The following NAPA variants were observed in gnomAD, a reference collection of about 807,000 sequenced individuals.
The protein encoded by NAPA is alpha-soluble NSF attachment protein.
Under a neutral mutation model 48.0 loss-of-function variants are expected in NAPA, and 18 were observed. The observed-to-expected ratio is 0.38, with a 90% CI of 0.26 to 0.56. NAPA has a LOEUF of 0.56. NAPA is among the 20% of genes least tolerant of loss of function. The pLI is 0.77. For missense variants in NAPA, 315 were observed against 385.0 expected (o/e 0.82, Z 1.52); for synonymous variants, 152 against 149.9 (o/e 1.01, Z -0.10).
intron 3 of NAPA, among the ~76,000 whole-genome samples, chr19:47,498,829 C>G (rs1175780621): frequency 6.6e-6 from 1 of 152,192 alleles, no homozygotes; most frequent in Non-Finnish European, 1.5e-5. Flanking sequence ...TAGGCTGTAG[C>G]TCTGGAAGCT....
intron 1 of NAPA, among the ~76,000 whole-genome samples, chr19:47,504,708 T>C (rs1968659494): frequency 6.6e-6 from 1 of 152,074 alleles, no homozygotes; most frequent in East Asian, 1.9e-4. Context: ...TATATGTGTG[T>C]ATATATCTAT....
chr19:47,488,193 G>T lies in NAPA; in HGVS notation c.*95C>A. On this transcript the variant is annotated 3_prime_UTR_variant, in exon 11 of 11. Coordinates refer to ENST00000263354, the MANE Select transcript of NAPA (RefSeq NM_003827.4). ...CCACTGTGGCCCGCGGCACTCCCCA[G>T]ATGGGAAAGGAGGGAAGCTCTCCAG... The T allele has an allele frequency of 8.1e-7, 1 of 1,239,720 alleles. No homozygotes were observed. 76.8% of individuals were successfully genotyped at this position (1,239,720 alleles called of 1,614,324 possible).
intron 1 of NAPA, among the ~76,000 whole-genome samples, chr19:47,504,125 T>C (rs1968643845): frequency 6.6e-6 from 1 of 151,600 alleles, no homozygotes; most frequent in Non-Finnish European, 1.5e-5. Flanking sequence ...GTGTGGTGGT[T>C]CATGGCTCCT....
chr19:47,506,409 C>T lies in NAPA; in HGVS notation c.99-2907G>A, dbSNP rs1230443471. Among the ~76,000 whole-genome samples, 1 of 152,182 alleles carries T rather than the reference C, an allele frequency of 6.6e-6. No individual in the cohort carries two copies. The highest frequency in any genetic ancestry group is 1.9e-4 in the East Asian group (1 of 5,192). ...TTGGGGCCTGGCTGCAAAAAACCCT[C>T]AGAAGGACCTTCTCTGGAATGTTCT... On this transcript the variant is annotated intron_variant, in intron 1 of 10. Coordinates refer to ENST00000263354, the MANE Select transcript of NAPA (RefSeq NM_003827.4). This position sits in a 1 kb window ranked among gnomAD's most constrained non-coding sequence, Gnocchi z 4.0.
intron 1 of NAPA, chr19:47,505,247 G>A (rs759317110): frequency 6.6e-6 from 1 of 152,140 alleles, no homozygotes; most frequent in Non-Finnish European, 1.5e-5. Context: ...TATTTTTAAG[G>A]AAGAGAAAAG....
At chr19:47,488,744 C>T (rs867962318) in intron 10 of NAPA, 1 of 155,932 alleles carries the variant, frequency 6.4e-6, no homozygotes, top group Non-Finnish European at 1.4e-5. Context: ...AGTGAAACCC[C>T]GTCTCTACTA....
At chr19:47,507,845 C>T (rs1568470665) in intron 1 of NAPA, among the ~76,000 whole-genome samples, 1 of 152,168 alleles carries the variant, frequency 6.6e-6, no homozygotes, top group Non-Finnish European at 1.5e-5. Flanking sequence ...TCAGAGAGGG[C>T]GGAGGGCTTG....
At chr19:47,503,009 G>A (rs1227554933) in intron 2 of NAPA, among the ~76,000 whole-genome samples, 2 of 152,200 alleles carry the variant, frequency 1.3e-5, no homozygotes, top group African/African-American at 2.4e-5. Context: ...TAAATGATGA[G>A]CACTTAGGAC....
intron 1 of NAPA, among the ~76,000 whole-genome samples, chr19:47,508,873 C>T (rs1968746525): frequency 1.3e-5 from 2 of 151,978 alleles, no homozygotes; most frequent in African/African-American, 2.4e-5. Flanking sequence ...GTTGCTTGAT[C>T]TCGAGTTTGA....
chr19:47,513,846 C>CTTTTT (rs776314156), intron 1 of NAPA, among the ~76,000 whole-genome samples: 112 of 115,836 alleles, frequency 9.7e-4, no homozygotes, highest in Non-Finnish European at 1.3e-3. Context: ...TTCTTTCTTT[C>CTTTTT]TTTTTTTTTT....
At chr19:47,485,331 A>G (rs548013999), downstream of NAPA, among the ~76,000 whole-genome samples, 1 of 152,350 alleles carries the variant, frequency 6.6e-6, no homozygotes, top group African/African-American at 2.4e-5. Context: ...GAGGCTCAGA[A>G]AGAGTAAGTC....
intron 7 of NAPA, 116 bp from the exon 8 acceptor site, chr19:47,492,235 CT>C (rs1488070048): frequency 1.1e-5 from 10 of 895,522 alleles, no homozygotes; most frequent in Non-Finnish European, 1.7e-5. Flanking sequence ...AGGTGAGGCC[CT>C]GTTAACCCAG....
In NAPA at chr19:47,493,058, G is replaced by T. The variant is rs535361662; in HGVS notation, c.477-13C>A. On this transcript the variant is annotated splice_polypyrimidine_tract_variant and intron_variant, in intron 6 of 10. Transcript: ENST00000263354. This position sits in a 1 kb window ranked among gnomAD's most constrained non-coding sequence, Gnocchi z 6.4. Reference sequence around the variant, plus strand: ...CTTGTTGGCTGAGCTGTGTGGGGAGGAGTAGTGAGGGGAAGTGGTGGCGGT... The same window carrying T: ...CTTGTTGGCTGAGCTGTGTGGGGAGTAGTAGTGAGGGGAAGTGGTGGCGGT... The T allele has an allele frequency of 3.8e-5, 61 of 1,614,136 alleles. No individual in the cohort carries two copies. In the East Asian group the frequency reaches 1.1e-3, roughly 30 times the overall value.
chr19:47,514,825 C>A lies in NAPA; in HGVS notation c.98+18G>T. ...CTCTCAGCCTAGGTCCCGGCCGACC[C>A]CTCAGCCCGGTTCTCACCCAAAGAG... On this transcript the variant is annotated intron_variant, in intron 1 of 10. Transcript: ENST00000263354. 2 of 1,611,228 alleles carry A rather than the reference C, an allele frequency of 1.2e-6. No individual in the cohort carries two copies. The highest frequency in any genetic ancestry group is 8.5e-7 in the Non-Finnish European group (1 of 1,177,878).
chr19:47,514,928 C>A lies in NAPA; in HGVS notation c.13G>T (p.Gly5Trp), dbSNP rs768257444. The A allele has an allele frequency of 6.2e-7, 1 of 1,613,888 alleles. No individual in the cohort carries two copies. The highest frequency in any genetic ancestry group is 1.1e-5 in the South Asian group (1 of 91,082). The change falls in exon 1 of 11, where the codon GGG becomes TGG. Residue 5 changes from glycine to tryptophan, a missense_variant. Gly to Trp is a radical substitution (Grantham distance 184). Transcript: ENST00000263354. MDNS[G>W]KEAEAMALLA... ...AGCGCCATCGCCTCCGCTTCCTTCC[C>A]GGAATTGTCCATGGCGGCCACAAAG...
chr19:47,509,230 C>A (rs546732160), intron 1 of NAPA, among the ~76,000 whole-genome samples: 5 of 150,514 alleles, frequency 3.3e-5, no homozygotes, highest in African/African-American at 1.2e-4. Context: ...AAGAGAAATA[C>A]GCTCAAAGGG....
downstream of NAPA, among the ~76,000 whole-genome samples, chr19:47,486,333 C>T (rs150836046): frequency 7.2e-4 from 110 of 151,812 alleles, 2 homozygotes; most frequent in East Asian, 0.02. Context: ...CCAGCCTGGG[C>T]GATAGAGCGA....
intron 1 of NAPA, among the ~76,000 whole-genome samples, chr19:47,513,850 T>C (rs528076608): frequency 1.6e-3 from 207 of 133,506 alleles, no homozygotes; most frequent in South Asian, 8.5e-3. Context: ...TTCTTTCTTT[T>C]TTTTTTTTTT....
downstream of NAPA, among the ~76,000 whole-genome samples, chr19:47,485,963 G>C (rs1037247499): frequency 1.3e-5 from 2 of 152,172 alleles, no homozygotes; most frequent in Non-Finnish European, 2.9e-5. Context: ...TTGAGCGGAT[G>C]AATGAAAAAA....
Sources: allele counts gnomAD v4.1 joint callset (sites outside exome capture counted in the v4.1 genomes callset), GRCh38; gene constraint gnomAD v4.1.1; non-coding constraint Gnocchi (gnomAD v3.1); transcripts MANE v1.5; gene names NCBI Gene and HGNC (gene_info 2026-07-23, HGNC 2026-07-21).